Variants in WWTR1 observed in about 807,000 individuals in gnomAD.
WWTR1 encodes WW domain-containing transcription regulator protein 1.
A neutral mutation model predicts 40.1 loss-of-function variants in WWTR1; 13 were observed. The observed-to-expected ratio is 0.32, with a 90% confidence interval of 0.21 to 0.52. The LOEUF is 0.52. Among genes scored for constraint, WWTR1 ranks in the 20% least tolerant of loss-of-function variants. The pLI is 0.97. For synonymous variants in WWTR1, 230 were observed against 210.1 expected (o/e 1.09, Z -0.82); for missense variants, 436 against 523.1 (o/e 0.83, Z 1.63).
At chr3:149,719,202 T>C (rs1390984134) in intron 4 of WWTR1, among the ~76,000 whole-genome samples, 2 of 151,566 alleles carry the variant, frequency 1.3e-5, no homozygotes, top group Non-Finnish European at 2.9e-5. Context: ...CGAGTCTCAC[T>C]CTGTTGCCCA....
At chr3:149,639,340 A>G (rs558688979) in intron 2 of WWTR1, among the ~76,000 whole-genome samples, 1 of 152,070 alleles carries the variant, frequency 6.6e-6, no homozygotes, top group African/African-American at 2.4e-5. Flanking sequence ...AGTAGCTGGG[A>G]CTATAGCAGT....
chr3:149,651,992 A>ATTTTTTTTTTTTTTTTTTTTTT (rs368845286), intron 2 of WWTR1, among the ~76,000 whole-genome samples: 1 of 93,714 alleles, frequency 1.1e-5, no homozygotes, highest in Non-Finnish European at 2.0e-5. Context: ...CGCCCGGCTA[A>ATTTTTTTTTTTTTTTTTTTTTT]TTTTTTTTTT....
upstream of WWTR1, chr3:149,659,566 T>C (rs7647177): frequency 0.52 from 78,452 of 151,706 alleles, 20,422 homozygotes; most frequent in East Asian, 0.69. Context: ...AAATCCTGAC[T>C]TCAGGTGATC....
intron 5 of WWTR1, among the ~76,000 whole-genome samples, chr3:149,709,396 G>T (rs1191545651): frequency 6.6e-6 from 1 of 151,300 alleles, no homozygotes; most frequent in Non-Finnish European, 1.5e-5. Flanking sequence ...TATATACTTT[G>T]TTGGCTATTT....
In WWTR1 at chr3:149,518,145, T is replaced by C. The variant is rs1734875896; in HGVS notation, c.*2660A>G. On this transcript the variant is annotated 3_prime_UTR_variant, in exon 7 of 7. Coordinates refer to ENST00000360632, the MANE Select transcript of WWTR1 (RefSeq NM_015472.6). ...GTGGCCTTAAAAACAAAAAATTATA[T>C]CTGGCTTTATCTATTAGTAAACACA... is the stretch of plus-strand genomic sequence containing the variant. 1 of 152,104 alleles carries C rather than the reference T, an allele frequency of 6.6e-6. No individual in the cohort carries two copies. The highest frequency in any genetic ancestry group is 1.5e-5 in the Non-Finnish European group (1 of 68,014). 9.4% of individuals were successfully genotyped at this position (152,104 alleles called of 1,614,324 possible).
At chr3:149,719,127 G>A (rs1715683820) in intron 4 of WWTR1, among the ~76,000 whole-genome samples, 1 of 150,228 alleles carries the variant, frequency 6.7e-6, no homozygotes, top group Non-Finnish European at 1.5e-5. Flanking sequence ...TGCCTGGCCT[G>A]AATTTTCTTC....
Position 149,663,644 on chromosome 3 carries a change from C to T in WWTR1, c.-4+6144G>A, listed in dbSNP as rs192656065. Reference sequence around the variant, plus strand: ...CCAGGAGGCGGAGGCTGCAGTGAGCCGAGATCATGCCATTGCACTCCAGCC... The same window carrying T: ...CCAGGAGGCGGAGGCTGCAGTGAGCTGAGATCATGCCATTGCACTCCAGCC... On this transcript the variant is annotated intron_variant, in intron 2 of 7. Coordinates refer to the WWTR1 transcript ENST00000465804. Among the ~76,000 whole-genome samples, 139 of 152,096 alleles carry T rather than the reference C, an allele frequency of 9.1e-4. 2 individuals carry two copies. In the South Asian group the frequency reaches 0.025, roughly 27 times the overall value.
At chr3:149,706,475 C>T (rs972387630), upstream of WWTR1, among the ~76,000 whole-genome samples, 3 of 151,628 alleles carry the variant, frequency 2.0e-5, no homozygotes, top group Non-Finnish European at 2.9e-5. Context: ...TGCACCACCA[C>T]GCCCGGCTAA....
In WWTR1 at chr3:149,710,298, A is replaced by C. The variant is rs1715442338; in HGVS notation, n.585-6970T>G. 1.3e-5 allele frequency among the ~76,000 whole-genome samples: 2 copies of C among 152,176 alleles called. 1 individual carries two copies. Among genetic ancestry groups the C allele is most frequent in the South Asian group, 4.1e-4 (2 of 4,826 alleles). ...CACCCAGGTCCAACAAGACTTGGAG[A>C]AGGGCTTTCAGGCCACACAGTACAG... On this transcript the variant is annotated intron_variant and non_coding_transcript_variant, in intron 5 of 6. Transcript: ENST00000474080.
chr3:149,619,147 G>A (rs976466416), intron 2 of WWTR1, among the ~76,000 whole-genome samples: 11 of 152,186 alleles, frequency 7.2e-5, no homozygotes, highest in Admixed American at 1.3e-4. Context: ...CTTGGAGGTT[G>A]TACCATTTAG....
chr3:149,536,448 C>T (rs1394017874), intron 4 of WWTR1, among the ~76,000 whole-genome samples: 1 of 151,338 alleles, frequency 6.6e-6, no homozygotes, highest in Non-Finnish European at 1.5e-5. Context: ...TCCTAGCTCG[C>T]TAAATAGCTA....
rs1340913087 is a variant in WWTR1 at position 149,715,751 on chromosome 3, A to G, written n.584+1691T>C. The stretch of plus-strand genomic sequence containing the variant: ...CATATACCTCACATAGAGTTGGGAT[A>G]TAAGTACAACTTAGTACATGTGGAT... On this transcript the variant is annotated intron_variant and non_coding_transcript_variant, in intron 5 of 6. Coordinates refer to the WWTR1 transcript ENST00000474080. Among the ~76,000 whole-genome samples the G allele has an allele frequency of 3.9e-5, 6 of 152,270 alleles. No individual in the cohort carries two copies. The East Asian group carries it at 1.2e-3, about 29-fold the overall frequency.
upstream of WWTR1, chr3:149,659,920 C>CTTTT (rs768099838): frequency 3.4e-3 from 450 of 133,844 alleles, 12 homozygotes; most frequent in African/African-American, 6.7e-3. Context: ...ACGTATCATC[C>CTTTT]TTTTTTTTTT....
chr3:149,717,803 C>G (rs1715647800), intron 4 of WWTR1, among the ~76,000 whole-genome samples: 1 of 152,086 alleles, frequency 6.6e-6, no homozygotes, highest in African/African-American at 2.4e-5. Flanking sequence ...GAAGGTCTCT[C>G]TTATGGAAAT....
chr3:149,526,154 A>G (rs751425377), intron 5 of WWTR1, 29 bp from the exon 6 acceptor site: 5 of 1,497,116 alleles, frequency 3.3e-6, no homozygotes, highest in Middle Eastern at 1.7e-4. Flanking sequence ...AGAAACTTCA[A>G]TATGAGCCCA....
intron 2 of WWTR1, among the ~76,000 whole-genome samples, chr3:149,585,987 A>G (rs1738402213): frequency 6.6e-6 from 1 of 152,220 alleles, no homozygotes; most frequent in South Asian, 2.1e-4. Context: ...AAGTATGTTT[A>G]TGCAAACTCC....
intron 2 of WWTR1, among the ~76,000 whole-genome samples, chr3:149,626,719 C>T (rs1740560811): frequency 6.6e-6 from 1 of 151,960 alleles, no homozygotes; most frequent in Non-Finnish European, 1.5e-5. Context: ...ATTGGAAAAC[C>T]ACCCATATTG....
chr3:149,671,674 A>T (rs1430191126), intron 1 of WWTR1, among the ~76,000 whole-genome samples: 1 of 152,146 alleles, frequency 6.6e-6, no homozygotes, highest in African/African-American at 2.4e-5. Flanking sequence ...TGCCCACCAC[A>T]TCCATTTTAA....
intron 1 of WWTR1, among the ~76,000 whole-genome samples, chr3:149,675,014 T>C (rs12633601): frequency 6.6e-6 from 1 of 152,134 alleles, no homozygotes; most frequent in African/African-American, 2.4e-5. Flanking sequence ...GACCAGTTGG[T>C]AAACTATCAC....
Sources: gnomAD v4.1 joint callset for allele counts (sites outside exome capture counted in the v4.1 genomes callset) on GRCh38, gnomAD v4.1.1 for gene constraint, MANE v1.5 for transcripts, NCBI Gene and HGNC (gene_info 2026-07-23, HGNC 2026-07-21) for gene names.